HOOK3: variants seen among roughly 807,000 people sequenced by gnomAD.
HOOK3 encodes the protein protein Hook homolog 3.
HOOK3 carries 24 observed loss-of-function variants against 116.3 expected under a neutral mutation model. The observed-to-expected ratio is 0.21, with a 90% confidence interval of 0.15 to 0.29. The LOEUF is 0.29. HOOK3 is among the 10% of genes least tolerant of loss of function. The pLI, the probability that HOOK3 is intolerant of heterozygous loss-of-function variation, is 1.00. For missense variants in HOOK3, 632 were observed against 830.2 expected (o/e 0.76, Z 2.93); for synonymous variants, 275 against 283.0 (o/e 0.97, Z 0.28).
chr8:43,014,786 CT>C (rs894457337), intron 21 of HOOK3, among the ~76,000 whole-genome samples: 1 of 152,130 alleles, frequency 6.6e-6, no homozygotes, highest in Non-Finnish European at 1.5e-5. Flanking sequence ...GTGATTTGAT[CT>C]TTGTCAAAAA....
intron 1 of HOOK3, among the ~76,000 whole-genome samples, chr8:42,899,788 G>A (rs1003291903): frequency 2.0e-5 from 3 of 152,196 alleles, no homozygotes; most frequent in African/African-American, 4.8e-5. Flanking sequence ...TGACAGACAA[G>A]ATCTAAGAGC....
intron 4 of HOOK3, among the ~76,000 whole-genome samples, chr8:42,939,687 T>G (rs1586600704): frequency 1.5e-5 from 2 of 134,738 alleles, no homozygotes; most frequent in African/African-American, 2.8e-5. Context: ...CTCCCCAGAC[T>G]GGGTGGCTGC....
intron 2 of HOOK3, among the ~76,000 whole-genome samples, chr8:42,915,363 TCAAAA>T (rs1440505869): frequency 6.6e-5 from 10 of 152,118 alleles, no homozygotes; most frequent in East Asian, 5.8e-4. Context: ...GGACTCTGTC[TCAAAA>T]CAAAACAAGA....
chr8:42,971,929 C>T (rs564964745), intron 11 of HOOK3, among the ~76,000 whole-genome samples: 4 of 151,936 alleles, frequency 2.6e-5, no homozygotes, highest in African/African-American at 7.2e-5. Flanking sequence ...GCAATCTGCC[C>T]ACCTCAGTCA....
chr8:42,979,579 A>G (rs1256922751), intron 13 of HOOK3, among the ~76,000 whole-genome samples: 1 of 151,976 alleles, frequency 6.6e-6, no homozygotes, highest in African/African-American at 2.4e-5. Context: ...TCCTCTGACT[A>G]CAACATTCTT....
intron 5 of HOOK3, among the ~76,000 whole-genome samples, chr8:42,947,539 A>G (rs569873204): frequency 2.6e-5 from 4 of 152,188 alleles, no homozygotes; most frequent in Non-Finnish European, 5.9e-5. Context: ...AAACACCTAG[A>G]TTGAGTTTCC....
At chr8:42,978,022 C>T (rs1043515926) in intron 13 of HOOK3, among the ~76,000 whole-genome samples, 3 of 152,152 alleles carry the variant, frequency 2.0e-5, no homozygotes, top group African/African-American at 4.8e-5. Context: ...GCAGCTCGAG[C>T]TAGTAACTAA....
At chr8:43,011,718 A>T (rs1809616101) in intron 19 of HOOK3, among the ~76,000 whole-genome samples, 1 of 152,076 alleles carries the variant, frequency 6.6e-6, no homozygotes, top group South Asian at 2.1e-4. Flanking sequence ...TACAAAAAAA[A>T]GTTTTAAAAA....
At chr8:42,905,641 T>C (rs1433888001) in intron 1 of HOOK3, among the ~76,000 whole-genome samples, 8 of 152,082 alleles carry the variant, frequency 5.3e-5, no homozygotes, top group African/African-American at 1.7e-4. Flanking sequence ...CCACCCAGTA[T>C]CCACCACGAT....
In HOOK3 at chr8:43,027,884, A is replaced by T. The variant is rs1211009618; in HGVS notation, c.*9386A>T. The T allele has an allele frequency of 5.0e-6, 1 of 201,036 alleles. No homozygotes were observed. The highest frequency in any genetic ancestry group is 2.3e-5 in the African/African-American group (1 of 43,592). The allele number at this position is 201,036 out of a possible 1,614,324, so 12.5% of individuals were successfully genotyped here. A position where few individuals can be genotyped will look rare whatever the true frequency, so the allele number is the denominator to read the frequency against. On this transcript the variant is annotated 3_prime_UTR_variant, in exon 22 of 22. Coordinates refer to ENST00000307602, the MANE Select transcript of HOOK3 (RefSeq NM_032410.4). ...GGTATAGAACATTTCCAGTATTGCC[A>T]AAAATGCTATTCAACAGCACTTTTA...
chr8:42,982,158 G>A (rs111507441), intron 13 of HOOK3, among the ~76,000 whole-genome samples: 2,141 of 146,976 alleles, frequency 0.015, 51 homozygotes, highest in African/African-American at 0.052. Flanking sequence ...GGGAGGCTGA[G>A]ACAAAAGAAT....
chr8:42,934,043 A>C (rs1011074035), intron 4 of HOOK3, among the ~76,000 whole-genome samples: 1 of 151,664 alleles, frequency 6.6e-6, no homozygotes, highest in Non-Finnish European at 1.5e-5. Flanking sequence ...TTTTCATCTT[A>C]TTATTATTTA....
At chr8:42,928,310 G>T (rs1183036498) in intron 3 of HOOK3, among the ~76,000 whole-genome samples, 1 of 151,070 alleles carries the variant, frequency 6.6e-6, no homozygotes. Flanking sequence ...AATTAGTCAG[G>T]TGTGGTGCCG....
intron 4 of HOOK3, among the ~76,000 whole-genome samples, chr8:42,931,723 C>T (rs1351933446): frequency 5.3e-5 from 8 of 151,778 alleles, no homozygotes; most frequent in Admixed American, 6.6e-5. Flanking sequence ...TGAGCCACCG[C>T]ACCTTCCCTT....
chr8:43,012,299 G>C (rs999795783), intron 19 of HOOK3, among the ~76,000 whole-genome samples: 10 of 152,258 alleles, frequency 6.6e-5, no homozygotes, highest in Middle Eastern at 3.4e-3. Flanking sequence ...ATTGCTTCTA[G>C]GTACAAACCT....
chr8:42,940,616 C>T (rs929433885), intron 4 of HOOK3, among the ~76,000 whole-genome samples: 1 of 152,228 alleles, frequency 6.6e-6, no homozygotes, highest in African/African-American at 2.4e-5. Context: ...GCAGAGAGAT[C>T]TGCTGTTAGT....
intron 4 of HOOK3, among the ~76,000 whole-genome samples, chr8:42,939,862 C>G (rs1474651321): frequency 6.8e-6 from 1 of 147,330 alleles, no homozygotes; most frequent in African/African-American, 2.5e-5. Context: ...AGGGCAGAGG[C>G]GCTCCCCACA....
chr8:42,974,092 T>A lies in HOOK3; in HGVS notation c.1234-15T>A. 1 of 1,600,026 alleles carries A rather than the reference T, an allele frequency of 6.2e-7. No individual in the cohort carries two copies. Among genetic ancestry groups the A allele is most frequent in the Non-Finnish European group, 8.6e-7 (1 of 1,167,446 alleles). ...AAACGTGAAGCTAACCCTCCATGTT[T>A]TTGTGTCTCTCCAGAGGCTGAGAAC... On this transcript the variant is annotated splice_polypyrimidine_tract_variant and intron_variant, in intron 12 of 21. Coordinates refer to ENST00000307602, the MANE Select transcript of HOOK3 (RefSeq NM_032410.4).
rs142217913 is a variant in HOOK3, at chr8:43,008,210, G to C, written c.1738+281G>C. 2.0e-4 allele frequency among the ~76,000 whole-genome samples: 31 copies of C among 151,908 alleles called. No individual in the cohort carries two copies. The East Asian group carries it at 5.1e-3, about 25-fold the overall frequency. The stretch of plus-strand genomic sequence containing the variant: ...ATTTTTTGTATTTTTAGTAGAGATG[G>C]GGTTTCACCATGTTAGCCAGGATGG... On this transcript the variant is annotated intron_variant, in intron 18 of 21. Coordinates refer to ENST00000307602, the MANE Select transcript of HOOK3 (RefSeq NM_032410.4).
Sources: gnomAD v4.1 joint callset for allele counts (sites outside exome capture counted in the v4.1 genomes callset) on GRCh38, gnomAD v4.1.1 for gene constraint, MANE v1.5 for transcripts, NCBI Gene and HGNC (gene_info 2026-07-23, HGNC 2026-07-21) for gene names.